RABEP1: variants seen among roughly 807,000 people sequenced by gnomAD.
RABEP1 encodes rabaptin, RAB GTPase binding effector protein 1.
In RABEP1, 51 loss-of-function variants were observed where a neutral mutation model predicts 123.4. That is an observed-to-expected ratio of 0.41 (90% CI 0.33 to 0.52). RABEP1 has a LOEUF of 0.52. RABEP1 is among the 20% of genes least tolerant of loss of function. The pLI is 0.16. For synonymous variants in RABEP1, 347 were observed against 355.2 expected (o/e 0.98, Z 0.26); for missense variants, 888 against 996.3 (o/e 0.89, Z 1.46).
chr17:5,347,024 C>A, intron 6 of RABEP1, 99 bp downstream of exon 6: 1 of 991,850 alleles, frequency 1.0e-6, no homozygotes, highest in Non-Finnish European at 1.4e-6. Flanking sequence ...AACAATGCAA[C>A]ATGTTAGTGA....
rs934710100 is a variant in RABEP1 at position 5,383,228 on chromosome 17, C to A, written c.*5C>A. ...AACCAGCTTCCTGAGACATGACACC[C>A]TCATGGCAGGATTCTAGCCTGCACT... is the stretch of plus-strand genomic sequence containing the variant. On this transcript the variant is annotated 3_prime_UTR_variant, in exon 18 of 18. Transcript: ENST00000537505. 80 of 1,611,796 alleles carry A rather than the reference C, an allele frequency of 5.0e-5. No homozygotes were observed. Among genetic ancestry groups the A allele is most frequent in the Non-Finnish European group, 6.5e-5 (77 of 1,178,082 alleles).
At chr17:5,367,417 A>G (rs35166593) in intron 11 of RABEP1, among the ~76,000 whole-genome samples, 34,403 of 150,308 alleles carry the variant, frequency 0.23, 4,268 homozygotes, top group Middle Eastern at 0.35. Context: ...GACTACAGGC[A>G]CCCGCCACCA....
At chr17:5,335,119 T>G (rs761304428) in intron 3 of RABEP1, 65 bp from the exon 4 acceptor site, 3 of 1,396,384 alleles carry the variant, frequency 2.1e-6, no homozygotes, top group South Asian at 2.9e-5. Context: ...TTTAAAAAAT[T>G]TAGTGTGCCA....
At position 5,360,907 on chromosome 17, in the gene RABEP1, C is replaced by T. The variant is rs929245685; in HGVS notation, c.1096-301C>T. On this transcript the variant is annotated intron_variant, in intron 8 of 17. Coordinates refer to ENST00000537505, the MANE Select transcript of RABEP1 (RefSeq NM_004703.6). ...CTTTGAGCTACCAGAGCATTCAGCA[C>T]ATAGCTCCAGCCCATCCTTTTATCA... The T allele has an allele frequency of 1.2e-5, 4 of 327,022 alleles. No individual in the cohort carries two copies. In the Admixed American group the frequency reaches 1.4e-4, roughly 12 times the overall value. The allele number at this position is 327,022 out of a possible 1,614,324, so 20.3% of individuals were successfully genotyped here.
intron 2 of RABEP1, among the ~76,000 whole-genome samples, chr17:5,328,885 AGGTTGCGCCACT>A (rs1489431504): frequency 6.6e-6 from 1 of 151,496 alleles, no homozygotes; most frequent in Non-Finnish European, 1.5e-5. Context: ...TGGGCGGCAG[AGGTTGCGCCACT>A]GCACTCCAGC....
intron 2 of RABEP1, among the ~76,000 whole-genome samples, chr17:5,324,085 T>C (rs1031329699): frequency 2.0e-5 from 3 of 151,702 alleles, no homozygotes; most frequent in African/African-American, 7.3e-5. Context: ...AACAGAAAAA[T>C]CTTAAAATTT....
intron 17 of RABEP1, chr17:5,381,786 C>A (rs1911483786): frequency 3.9e-6 from 1 of 259,642 alleles, no homozygotes; most frequent in Non-Finnish European, 7.0e-6. Context: ...ACCAGGCCCA[C>A]CCCTGTATTT....
chr17:5,301,619 G>C (rs2075135644), intron 1 of RABEP1, among the ~76,000 whole-genome samples: 3 of 152,096 alleles, frequency 2.0e-5, no homozygotes, highest in Admixed American at 2.0e-4. Context: ...TAGTGTCTTA[G>C]TTTATTTTAC....
rs1009513805 is a variant in RABEP1, at chr17:5,302,710, T to C, written c.35-5984T>C. 3.3e-5 allele frequency among the ~76,000 whole-genome samples: 5 copies of C among 151,464 alleles called. No homozygotes were observed. The South Asian group carries it at 6.3e-4, about 19-fold the overall frequency. ...ACCTGGCTAATTTTTGTATTTTTAGTAGAGATGGGATCTCACTCTGTTGCC... is the reference window on the plus strand; with the variant it reads ...ACCTGGCTAATTTTTGTATTTTTAGCAGAGATGGGATCTCACTCTGTTGCC... On this transcript the variant is annotated intron_variant, in intron 1 of 17. Coordinates refer to ENST00000537505, the MANE Select transcript of RABEP1 (RefSeq NM_004703.6).
intron 1 of RABEP1, among the ~76,000 whole-genome samples, chr17:5,295,474 TAGTA>T (rs756481861): frequency 1.3e-5 from 2 of 150,078 alleles, no homozygotes; most frequent in Non-Finnish European, 2.9e-5. Context: ...TTAACCCTCT[TAGTA>T]AGTATTGTTT....
chr17:5,316,153 A>G (rs1320664389), intron 2 of RABEP1, among the ~76,000 whole-genome samples: 1 of 152,194 alleles, frequency 6.6e-6, no homozygotes, highest in Non-Finnish European at 1.5e-5. Context: ...CATAATCACT[A>G]AAAGTACTGC....
At chr17:5,328,163 A>G (rs1024528828) in intron 2 of RABEP1, among the ~76,000 whole-genome samples, 2 of 152,228 alleles carry the variant, frequency 1.3e-5, no homozygotes, top group Non-Finnish European at 2.9e-5. Context: ...GATAAACCCA[A>G]ATTCCTGACA....
intron 17 of RABEP1, 40 bp downstream of exon 17, chr17:5,381,545 G>A: frequency 6.3e-7 from 1 of 1,593,362 alleles, no homozygotes; most frequent in East Asian, 2.3e-5. Context: ...CACGAAGGCA[G>A]TTTTGGGGGA....
rs1161063625 is a variant in RABEP1, at chr17:5,384,065, C to T, written c.*842C>T. 5 of 214,932 alleles carry T rather than the reference C, an allele frequency of 2.3e-5. No homozygotes were observed. Among genetic ancestry groups the T allele is most frequent in the South Asian group, 3.7e-4 (2 of 5,362 alleles). The allele number at this position is 214,932 out of a possible 1,614,324, so 13.3% of individuals were successfully genotyped here. A position where few individuals can be genotyped will look rare whatever the true frequency, so the allele number is the denominator to read the frequency against. On this transcript the variant is annotated 3_prime_UTR_variant, in exon 18 of 18. Transcript: ENST00000537505. ...TGGATCAGTGAAAAACATTAGTATA[C>T]GTTTTTAAATAGGCTAATTTTTCAA...
At chr17:5,324,815 T>G (rs897004754) in intron 2 of RABEP1, among the ~76,000 whole-genome samples, 3 of 152,130 alleles carry the variant, frequency 2.0e-5, no homozygotes, top group African/African-American at 7.2e-5. Flanking sequence ...CACTAATCAT[T>G]AGAGAAATGC....
intron 1 of RABEP1, among the ~76,000 whole-genome samples, chr17:5,297,821 G>T (rs527949649): frequency 6.6e-6 from 1 of 152,186 alleles, no homozygotes; most frequent in Non-Finnish European, 1.5e-5. Flanking sequence ...TCCAGAGCCT[G>T]TGCTCTCAGC....
At chr17:5,337,042 T>C (rs1907157657) in intron 4 of RABEP1, among the ~76,000 whole-genome samples, 1 of 152,340 alleles carries the variant, frequency 6.6e-6, no homozygotes, top group Admixed American at 6.5e-5. Context: ...TGCCTTTGTT[T>C]CTCTGCGTGT....
rs11432831 is a variant in RABEP1 at position 5,310,301 on chromosome 17, C to CTTTTTTT, written c.163+1491_163+1497dup. Among the ~76,000 whole-genome samples the CTTTTTTT allele has an allele frequency of 3.6e-3, 454 of 126,386 alleles. 71 individuals are homozygous for CTTTTTTT. Among genetic ancestry groups the CTTTTTTT allele is most frequent in the Middle Eastern group, 4.4e-3 (1 of 228 alleles). 82.9% of individuals were successfully genotyped at this position (126,386 alleles called of 152,430 possible). ...TTACAATTTAAATGAAAGCTTCGTC[C>CTTTTTTT]TTTTTTTTTTTTTTTTTTGAGATGG... is the stretch of plus-strand genomic sequence containing the variant. On this transcript the variant is annotated intron_variant, in intron 2 of 17. Transcript: ENST00000537505.
intron 2 of RABEP1, among the ~76,000 whole-genome samples, chr17:5,309,356 C>T (rs1187272483): frequency 1.3e-5 from 2 of 152,022 alleles, no homozygotes; most frequent in African/African-American, 2.4e-5. Flanking sequence ...GTCGTTAAAA[C>T]AGGAAATTGC....
Sources: allele counts gnomAD v4.1 joint callset (sites outside exome capture counted in the v4.1 genomes callset), GRCh38; gene constraint gnomAD v4.1.1; transcripts MANE v1.5; gene names NCBI Gene and HGNC (gene_info 2026-07-23, HGNC 2026-07-21).